Variants in BRIP1 observed in about 807,000 individuals in gnomAD.
The protein encoded by BRIP1 is Fanconi anemia group J protein.
A neutral mutation model predicts 119.7 loss-of-function variants in BRIP1; 88 were observed. The ratio of observed to expected loss-of-function variants is 0.74; its 90% CI spans 0.62 to 0.88. The LOEUF (loss-of-function observed/expected upper bound fraction) is 0.88. Among genes scored for constraint, BRIP1 ranks in the 40% least tolerant of loss-of-function variants. The pLI, the probability that BRIP1 is intolerant of heterozygous loss-of-function variation, is 0.00. For synonymous variants in BRIP1, 443 were observed against 496.5 expected (o/e 0.89, Z 1.43); for missense variants, 1,259 against 1,455.4 (o/e 0.87, Z 2.20).
chr17:61,838,504 A>G (rs1049557034), intron 6 of BRIP1, among the ~76,000 whole-genome samples: 15 of 151,858 alleles, frequency 9.9e-5, no homozygotes, highest in African/African-American at 3.1e-4. Flanking sequence ...CGATCGCGCC[A>G]CTGCACTCCA....
rs1294985558 is a variant in BRIP1, at chr17:61,705,573, AC to A, written c.2492+10377del. 6.6e-6 allele frequency among the ~76,000 whole-genome samples: 1 copy of A among 151,414 alleles called. No homozygotes were observed. Among genetic ancestry groups the A allele is most frequent in the Non-Finnish European group, 1.5e-5 (1 of 67,786 alleles). On this transcript the variant is annotated intron_variant, in intron 17 of 19. Transcript: ENST00000259008. The surrounding 1 kb of genome is among the most constrained non-coding windows in gnomAD (Gnocchi z 5.0). ...TCATCAATTTATACTTGTTTTTATTACTCCTTTTTTTCCTGTTTGCCTCACA... is the reference window on the plus strand; with the variant it reads ...TCATCAATTTATACTTGTTTTTATTATCCTTTTTTTCCTGTTTGCCTCACA...
chr17:61,755,165 A>C lies in BRIP1; in HGVS notation c.2098-10574T>G, dbSNP rs573977468. 5.4e-4 allele frequency among the ~76,000 whole-genome samples: 82 copies of C among 152,356 alleles called. No individual in the cohort carries two copies. The highest frequency in any genetic ancestry group is 1.9e-3 in the African/African-American group (80 of 41,588). ...AGTAAATACTTTTTGAATGAATTTT[A>C]TAAATGAATGAAAAATGAAGGTCCA... On this transcript the variant is annotated intron_variant, in intron 14 of 19. Coordinates refer to ENST00000259008, the MANE Select transcript of BRIP1 (RefSeq NM_032043.3). The surrounding 1 kb of genome is among the most constrained non-coding windows in gnomAD (Gnocchi z 4.5).
chr17:61,716,987 T>C (rs977257838), intron 16 of BRIP1, among the ~76,000 whole-genome samples: 2 of 152,076 alleles, frequency 1.3e-5, no homozygotes, highest in Non-Finnish European at 1.5e-5. Context: ...CTTTATGCTA[T>C]TGCTGCCATA....
chr17:61,844,670 G>A lies in BRIP1; in HGVS notation c.627+2431C>T, dbSNP rs79423103. 1.9e-3 allele frequency among the ~76,000 whole-genome samples: 287 copies of A among 152,328 alleles called. No homozygotes were observed. The highest frequency in any genetic ancestry group is 6.5e-3 in the African/African-American group (270 of 41,586). On this transcript the variant is annotated intron_variant, in intron 6 of 19. Coordinates refer to ENST00000259008, the MANE Select transcript of BRIP1 (RefSeq NM_032043.3). This position sits in a 1 kb window ranked among gnomAD's most constrained non-coding sequence, Gnocchi z 4.7. The stretch of plus-strand genomic sequence containing the variant: ...GACTCTATACTTGATTTGTTTATCT[G>A]TGAGCTTCTACATATTTCTTTCCTT...
chr17:61,792,982 T>C (rs890065502), intron 10 of BRIP1, among the ~76,000 whole-genome samples: 1 of 152,168 alleles, frequency 6.6e-6, no homozygotes, highest in African/African-American at 2.4e-5. Context: ...CTGGACCTTC[T>C]GCTTAATTTT....
In BRIP1 at chr17:61,822,951, G is replaced by C. The variant is rs377148406; in HGVS notation, c.628-14194C>G. On this transcript the variant is annotated intron_variant, in intron 6 of 19. Transcript: ENST00000259008. The surrounding 1 kb of genome is among the most constrained non-coding windows in gnomAD (Gnocchi z 4.4). ...GTCAAAATAGCAGATCATCAACACA[G>C]ATCATGAAGTACCCCAGGATGGTGA... is the stretch of plus-strand genomic sequence containing the variant. Among the ~76,000 whole-genome samples, 1 of 152,160 alleles carries C rather than the reference G, an allele frequency of 6.6e-6. No individual in the cohort carries two copies. Among genetic ancestry groups the C allele is most frequent in the Non-Finnish European group, 1.5e-5 (1 of 68,028 alleles).
rs1816997004 is a variant in BRIP1, at chr17:61,861,688, C to T, written c.-30-119G>A. The T allele has an allele frequency of 1.5e-6, 1 of 669,078 alleles. No homozygotes were observed. Among genetic ancestry groups the T allele is most frequent in the Admixed American group, 2.4e-5 (1 of 40,942 alleles). 41.4% of individuals were successfully genotyped at this position (669,078 alleles called of 1,614,324 possible). On this transcript the variant is annotated intron_variant, in intron 1 of 19. Transcript: ENST00000259008. The surrounding 1 kb of genome is among the most constrained non-coding windows in gnomAD (Gnocchi z 4.5). ...GGAATTAATAAAAGTATAAACAAAA[C>T]AAATGGAAACAAAATAATTTCCTAG... is the stretch of plus-strand genomic sequence containing the variant.
Position 61,757,087 on chromosome 17 carries a change from A to C in BRIP1, c.2098-12496T>G, listed in dbSNP as rs1029139897. On this transcript the variant is annotated intron_variant, in intron 14 of 19. Transcript: ENST00000259008. This position sits in a 1 kb window ranked among gnomAD's most constrained non-coding sequence, Gnocchi z 4.3. ...ATGTTTACTTTCTTTTATTCAGTTG[A>C]TATGTACCCATATGTGGCATATGTT... Among the ~76,000 whole-genome samples, 4 of 152,150 alleles carry C rather than the reference A, an allele frequency of 2.6e-5. No homozygotes were observed. Among genetic ancestry groups the C allele is most frequent in the African/African-American group, 9.7e-5 (4 of 41,430 alleles).
Position 61,810,318 on chromosome 17 carries a change from G to A in BRIP1, c.628-1561C>T, listed in dbSNP as rs1419361878. 2.0e-5 allele frequency among the ~76,000 whole-genome samples: 3 copies of A among 152,122 alleles called. No individual in the cohort carries two copies. Among genetic ancestry groups the A allele is most frequent in the Non-Finnish European group, 2.9e-5 (2 of 68,020 alleles). On this transcript the variant is annotated intron_variant, in intron 6 of 19. Transcript: ENST00000259008. This position sits in a 1 kb window ranked among gnomAD's most constrained non-coding sequence, Gnocchi z 4.7. ...ACATGTGGTTTATGTTACATATGTTGCAATATCCAACAATTTACGGTCACA... is the reference window on the plus strand; with the variant it reads ...ACATGTGGTTTATGTTACATATGTTACAATATCCAACAATTTACGGTCACA...
At chr17:61,826,099 C>T (rs755280836) in intron 6 of BRIP1, among the ~76,000 whole-genome samples, 71 of 152,218 alleles carry the variant, frequency 4.7e-4, no homozygotes, top group Non-Finnish European at 5.0e-4. Context: ...AATAAGGTCA[C>T]ACCTACAACT....
Position 61,860,044 on chromosome 17 carries a change from T to C in BRIP1, c.94-137A>G, listed in dbSNP as rs1267592395. Reference sequence around the variant, plus strand: ...ACACAACAATAGCAGAAGGAACTCATATTTAGTTAAATCCAAACTGTATTC... The same window carrying C: ...ACACAACAATAGCAGAAGGAACTCACATTTAGTTAAATCCAAACTGTATTC... On this transcript the variant is annotated intron_variant, in intron 2 of 19. Transcript: ENST00000259008. This position sits in a 1 kb window ranked among gnomAD's most constrained non-coding sequence, Gnocchi z 4.1. 3 of 670,378 alleles carry C rather than the reference T, an allele frequency of 4.5e-6. No homozygotes were observed. The highest frequency in any genetic ancestry group is 1.8e-5 in the African/African-American group (1 of 55,556). 41.5% of individuals were successfully genotyped at this position (670,378 alleles called of 1,614,324 possible).
rs2144164717 is a variant in BRIP1, at chr17:61,691,290, C to T, written c.2575+2140G>A. 6.6e-6 allele frequency among the ~76,000 whole-genome samples: 1 copy of T among 151,694 alleles called. No individual in the cohort carries two copies. The highest frequency in any genetic ancestry group is 2.1e-4 in the South Asian group (1 of 4,784). On this transcript the variant is annotated intron_variant, in intron 18 of 19. Transcript: ENST00000259008. This position sits in a 1 kb window ranked among gnomAD's most constrained non-coding sequence, Gnocchi z 5.0. ...TCAAACCAGGGAAAAAAAATAGCAT[C>T]AAAAATAATAAAATACCTAGGAATA...
chr17:61,825,782 G>C lies in BRIP1; in HGVS notation c.628-17025C>G, dbSNP rs1173178779. Among the ~76,000 whole-genome samples, 2 of 152,050 alleles carry C rather than the reference G, an allele frequency of 1.3e-5. No homozygotes were observed. Among genetic ancestry groups the C allele is most frequent in the Non-Finnish European group, 2.9e-5 (2 of 68,000 alleles). The stretch of plus-strand genomic sequence containing the variant: ...ACAAACAAATGAAAAAACCTTCCAT[G>C]TTCATGGATAGGAATAATCAGTATC... On this transcript the variant is annotated intron_variant, in intron 6 of 19. Transcript: ENST00000259008. This position sits in a 1 kb window ranked among gnomAD's most constrained non-coding sequence, Gnocchi z 4.1.
intron 17 of BRIP1, among the ~76,000 whole-genome samples, chr17:61,707,769 A>G (rs2061713461): frequency 1.3e-5 from 2 of 152,082 alleles, no homozygotes. Flanking sequence ...GGGGGTTGGC[A>G]AACTATAGCC....
intron 10 of BRIP1, among the ~76,000 whole-genome samples, chr17:61,790,880 G>A (rs2077806344): frequency 6.6e-6 from 1 of 151,956 alleles, no homozygotes; most frequent in Non-Finnish European, 1.5e-5. Flanking sequence ...GCCAGCCTCA[G>A]CCTGTCAAAG....
In BRIP1 at chr17:61,762,505, A is replaced by C. The variant is rs981258849; in HGVS notation, c.2097+13896T>G. ...AAGGAGTTAATGTCCAAAATATATAAGAAACTCAAACAACTCATTAGCAAG... is the reference window on the plus strand; with the variant it reads ...AAGGAGTTAATGTCCAAAATATATACGAAACTCAAACAACTCATTAGCAAG... On this transcript the variant is annotated intron_variant, in intron 14 of 19. Coordinates refer to ENST00000259008, the MANE Select transcript of BRIP1 (RefSeq NM_032043.3). This position sits in a 1 kb window ranked among gnomAD's most constrained non-coding sequence, Gnocchi z 4.3. Among the ~76,000 whole-genome samples, 1 of 152,170 alleles carries C rather than the reference A, an allele frequency of 6.6e-6. No individual in the cohort carries two copies. The highest frequency in any genetic ancestry group is 1.5e-5 in the Non-Finnish European group (1 of 68,022).
rs534481309 is a variant in BRIP1 at position 61,829,708 on chromosome 17, A to G, written c.627+17393T>C. Among the ~76,000 whole-genome samples the G allele has an allele frequency of 5.9e-5, 9 of 152,290 alleles. No individual in the cohort carries two copies. In the East Asian group the frequency reaches 1.4e-3, roughly 23 times the overall value. ...TAAATTAGAACTCAGTAAGAGAAAA[A>G]TATCTAGGAAAAAACACCTAGTTAG... On this transcript the variant is annotated intron_variant, in intron 6 of 19. Transcript: ENST00000259008.
rs1414392123 is a variant in BRIP1, at chr17:61,716,193, AT to A, written c.2380-131del. On this transcript the variant is annotated intron_variant, in intron 16 of 19. Transcript: ENST00000259008. ...GATTTTATTTTGTTTTTCAGTACTGATTTTTTTCGTTTCATTTAAAATAGTT... is the reference window on the plus strand; with the variant it reads ...GATTTTATTTTGTTTTTCAGTACTGATTTTTTCGTTTCATTTAAAATAGTT... 66 of 606,208 alleles carry A rather than the reference AT, an allele frequency of 1.1e-4. 1 individual carries two copies. In the East Asian group the frequency reaches 1.8e-3, roughly 17 times the overall value. The allele number at this position is 606,208 out of a possible 1,614,324, so 37.6% of individuals were successfully genotyped here.
intron 14 of BRIP1, among the ~76,000 whole-genome samples, chr17:61,763,824 G>A (rs9902995): frequency 0.79 from 120,226 of 152,114 alleles, 48,172 homozygotes; most frequent in African/African-American, 0.89. Flanking sequence ...TGTTAAAATC[G>A]TAGCTAGAAG....
Sources: gnomAD v4.1 joint callset for allele counts (sites outside exome capture counted in the v4.1 genomes callset) on GRCh38, gnomAD v4.1.1 for gene constraint, Gnocchi (gnomAD v3.1) non-coding constraint, MANE v1.5 for transcripts, NCBI Gene and HGNC (gene_info 2026-07-23, HGNC 2026-07-21) for gene names.